PTBP1: variants seen among roughly 807,000 people sequenced by gnomAD.
The protein encoded by PTBP1 is polypyrimidine tract binding protein 1.
PTBP1 carries 8 observed loss-of-function variants against 59.8 expected under a neutral mutation model. The observed-to-expected ratio is 0.13, with a 90% CI of 0.08 to 0.24. PTBP1 has a LOEUF of 0.24. Among genes scored for constraint, PTBP1 ranks in the 10% least tolerant of loss-of-function variants. The probability of loss-of-function intolerance (pLI) is 1.00; values close to 1 mark genes in which losing one functional copy is unlikely to be tolerated. For synonymous variants in PTBP1, 490 were observed against 320.7 expected (o/e 1.53, Z -5.64); for missense variants, 686 against 767.0 (o/e 0.89, Z 1.25).
chr19:804,384 C>T lies in PTBP1; in HGVS notation c.381C>T (p.Tyr127=). The T allele has an allele frequency of 6.2e-7, 1 of 1,612,908 alleles. No individual in the cohort carries two copies. The highest frequency in any genetic ancestry group is 1.3e-5 in the African/African-American group (1 of 75,054). ...VTPVLRGQPI[Y]IQFSNHKELK... is the part of the protein sequence containing the mutation. Reference sequence around the variant, plus strand: ...CTGTGCTGCGCGGCCAGCCCATCTACATCCAGTTCTCCAACCACAAGGAGC... The same window carrying T: ...CTGTGCTGCGCGGCCAGCCCATCTATATCCAGTTCTCCAACCACAAGGAGC... The change falls in exon 5 of 15, where the codon TAC becomes TAT. Residue 127 remains tyrosine (Y), a synonymous_variant. Transcript: ENST00000356948.
In PTBP1 at chr19:805,073, C is replaced by T; in HGVS notation, c.778C>T (p.Leu260Phe). The part of the protein sequence containing the change: ...CCTLRIDFSK[L>F]TSLNVKYNND... Reference sequence around the variant, plus strand: ...CACGCTGCGCATCGACTTTTCCAAGCTCACCAGCCTCAACGTCAAGTACAA... The same window carrying T: ...CACGCTGCGCATCGACTTTTCCAAGTTCACCAGCCTCAACGTCAAGTACAA... Residue 260 changes from leucine (L) to phenylalanine (F), a missense_variant, in exon 8 of 15, where the codon CTC (leucine) becomes TTC (phenylalanine). Coordinates refer to ENST00000356948, the MANE Select transcript of PTBP1 (RefSeq NM_002819.5). The T allele has an allele frequency of 6.2e-7, 1 of 1,613,866 alleles. No individual in the cohort carries two copies. Among genetic ancestry groups the T allele is most frequent in the Non-Finnish European group, 8.5e-7 (1 of 1,179,880 alleles).
At chr19:804,482 G>A in intron 5 of PTBP1, 44 bp downstream of exon 5, 1 of 1,596,808 alleles carries the variant, frequency 6.3e-7, no homozygotes, top group Non-Finnish European at 8.5e-7. Flanking sequence ...GGGACCTCGG[G>A]GGTGGGCCCA....
intron 2 of PTBP1, among the ~76,000 whole-genome samples, chr19:800,786 T>TC (rs1469519553): frequency 6.6e-6 from 1 of 152,212 alleles, no homozygotes; most frequent in Non-Finnish European, 1.5e-5. Context: ...AGTCGTCTCT[T>TC]CCCTGCTTCT....
At position 812,099 on chromosome 19, in the gene PTBP1, C is replaced by T. The variant is rs2034909520; in HGVS notation, c.*1273C>T. On this transcript the variant is annotated 3_prime_UTR_variant, in exon 15 of 15. Transcript: ENST00000356948. ...TATGGTGACACAAATGTATATTTTG[C>T]TAACAGCAATTCCAGGCTCAGTATT... The T allele has an allele frequency of 6.6e-6, 1 of 152,372 alleles. No homozygotes were observed. Among genetic ancestry groups the T allele is most frequent in the African/African-American group, 2.4e-5 (1 of 41,438 alleles). 9.4% of individuals were successfully genotyped at this position (152,372 alleles called of 1,614,324 possible).
chr19:809,362 C>T (rs955209581), intron 13 of PTBP1, among the ~76,000 whole-genome samples: 12 of 151,948 alleles, frequency 7.9e-5, no homozygotes, highest in South Asian at 6.2e-4. Flanking sequence ...CACGCTCTGT[C>T]GCCCAGGCTG....
intron 2 of PTBP1, among the ~76,000 whole-genome samples, chr19:802,275 TC>T (rs1487956584): frequency 2.0e-5 from 3 of 152,168 alleles, no homozygotes. Context: ...CAGTCTTCCT[TC>T]CAGGAAGCTC....
In PTBP1 at chr19:808,493, CG is replaced by C. The variant is rs940702091; in HGVS notation, c.1246+46del. 1.3e-6 allele frequency: 2 copies of C among 1,540,150 alleles called. No individual in the cohort carries two copies. The highest frequency in any genetic ancestry group is 8.8e-7 in the Non-Finnish European group (1 of 1,136,578). ...GGCCCCGGGGTGGAGGGGGCAGGGG[CG>C]GGGGCTGCGTTCCCTCTCGGGCGCC... On this transcript the variant is annotated intron_variant, in intron 12 of 14. Coordinates refer to ENST00000356948, the MANE Select transcript of PTBP1 (RefSeq NM_002819.5). The surrounding 1 kb of genome is among the most constrained non-coding windows in gnomAD (Gnocchi z 4.7).
At chr19:805,392 CGGGGCCGCCCGCCGGCCGGGTT>C (rs1294445489) in intron 8 of PTBP1, 78 bp from the exon 9 acceptor site, 2 of 1,307,408 alleles carry the variant, frequency 1.5e-6, no homozygotes, top group African/African-American at 2.9e-5. Flanking sequence ...AAGGCTCTGC[CGGGGCCGCCCGCCGGCCGGGTT>C]GGGGCCCATC....
In PTBP1 at chr19:811,292, GGCCGCGGCT is replaced by G. The variant is rs1331975383; in HGVS notation, c.*469_*477del. On this transcript the variant is annotated 3_prime_UTR_variant, in exon 15 of 15. Coordinates refer to ENST00000356948, the MANE Select transcript of PTBP1 (RefSeq NM_002819.5). The stretch of plus-strand genomic sequence containing the variant: ...CAGGATCATGCAGCTGGGGCGCGGC[GGCCGCGGCT>G]GCGACACCCCAACCCCAGCCCTCTA... 6.5e-6 allele frequency: 1 copy of G among 152,934 alleles called. No individual in the cohort carries two copies. Among genetic ancestry groups the G allele is most frequent in the South Asian group, 2.0e-4 (1 of 4,884 alleles). The allele number at this position is 152,934 out of a possible 1,614,324, so 9.5% of individuals were successfully genotyped here.
rs549429069 is a variant in PTBP1 at position 808,174 on chromosome 19, C to G, written c.1154-186C>G. Reference sequence around the variant, plus strand: ...AGCTTACCTGTCCTGGATGCTATGACTTTGCTGAACGGAGCTGCTCCTGTT... The same window carrying G: ...AGCTTACCTGTCCTGGATGCTATGAGTTTGCTGAACGGAGCTGCTCCTGTT... On this transcript the variant is annotated intron_variant, in intron 11 of 14. Transcript: ENST00000356948. This position sits in a 1 kb window ranked among gnomAD's most constrained non-coding sequence, Gnocchi z 4.7. 95 of 644,358 alleles carry G rather than the reference C, an allele frequency of 1.5e-4. No individual in the cohort carries two copies. In the South Asian group the frequency reaches 1.6e-3, roughly 11 times the overall value. 39.9% of individuals were successfully genotyped at this position (644,358 alleles called of 1,614,324 possible).
chr19:803,823 G>T (rs926196555), intron 3 of PTBP1, among the ~76,000 whole-genome samples, 187 bp downstream of exon 3: 1 of 152,178 alleles, frequency 6.6e-6, no homozygotes, highest in Admixed American at 6.5e-5. Flanking sequence ...GGTCCAGGCT[G>T]GCACTTGGAC....
At position 808,658 on chromosome 19, in the gene PTBP1, C is replaced by A. The variant is rs1003895815; in HGVS notation, c.1359C>A (p.Thr453=). ...PREGQEDQGL[T]KDYGNSPLHR... ...AGGGCCAGGAGGACCAGGGCCTGAC[C>A]AAGGACTACGGCAACTCACCCCTGC... is the stretch of plus-strand genomic sequence containing the variant. The change falls in exon 13 of 15, where the codon ACC becomes ACA. Residue 453 remains threonine (T), a synonymous_variant. Transcript: ENST00000356948. The surrounding 1 kb of genome is among the most constrained non-coding windows in gnomAD (Gnocchi z 4.7). The A allele has an allele frequency of 5.6e-6, 9 of 1,612,182 alleles. No individual in the cohort carries two copies. The African/African-American group carries it at 8.0e-5, about 14-fold the overall frequency.
chr19:799,263 T>C, intron 1 of PTBP1, 150 bp from the exon 2 acceptor site: 1 of 789,946 alleles, frequency 1.3e-6, no homozygotes. Context: ...CTTCTGAGCT[T>C]TCTCTAGCGG....
At chr19:800,435 C>T (rs985841333) in intron 2 of PTBP1, among the ~76,000 whole-genome samples, 1 of 152,110 alleles carries the variant, frequency 6.6e-6, no homozygotes, top group Non-Finnish European at 1.5e-5. Flanking sequence ...AGGCGATTCT[C>T]GAGGGAGCTG....
At chr19:797,836 T>G (rs961314852) in intron 1 of PTBP1, among the ~76,000 whole-genome samples, 6 of 147,130 alleles carry the variant, frequency 4.1e-5, no homozygotes, top group African/African-American at 1.5e-4. Flanking sequence ...CCCTTCCCGC[T>G]TCCCGTCCGG....
Position 808,786 on chromosome 19 carries a change from A to G in PTBP1, c.1463+24A>G, listed in dbSNP as rs1244175617. ...CCGTGAGTGCTGGGCCGGGGGGCTC[A>G]TGGGGCCGGGGGCGGGCAAGGGCTC... On this transcript the variant is annotated intron_variant, in intron 13 of 14. Coordinates refer to ENST00000356948, the MANE Select transcript of PTBP1 (RefSeq NM_002819.5). The surrounding 1 kb of genome is among the most constrained non-coding windows in gnomAD (Gnocchi z 4.7). 2 of 1,532,776 alleles carry G rather than the reference A, an allele frequency of 1.3e-6. No individual in the cohort carries two copies. Among genetic ancestry groups the G allele is most frequent in the Non-Finnish European group, 1.8e-6 (2 of 1,117,806 alleles). 94.9% of individuals were successfully genotyped at this position (1,532,776 alleles called of 1,614,324 possible).
chr19:801,783 G>C (rs2034347393), intron 2 of PTBP1, among the ~76,000 whole-genome samples: 1 of 152,178 alleles, frequency 6.6e-6, no homozygotes, highest in Non-Finnish European at 1.5e-5. Context: ...GCACTGCTGT[G>C]TTTTCTGATC....
In PTBP1 at chr19:811,400, C is replaced by T. The variant is rs1035318010; in HGVS notation, c.*574C>T. 4.6e-5 allele frequency: 7 copies of T among 152,534 alleles called. No individual in the cohort carries two copies. Among genetic ancestry groups the T allele is most frequent in the African/African-American group, 1.2e-4 (5 of 41,470 alleles). 9.4% of individuals were successfully genotyped at this position (152,534 alleles called of 1,614,324 possible). A position where few individuals can be genotyped will look rare whatever the true frequency, so the allele number is the denominator to read the frequency against. On this transcript the variant is annotated 3_prime_UTR_variant, in exon 15 of 15. Coordinates refer to ENST00000356948, the MANE Select transcript of PTBP1 (RefSeq NM_002819.5). ...CTGCCCCCAGGCGGGCTCCCCGCTG[C>T]TCCAGCTGCGGAGCTGGTCGACATA...
chr19:805,335 C>T, intron 8 of PTBP1, 148 bp downstream of exon 8: 5 of 1,207,936 alleles, frequency 4.1e-6, no homozygotes, highest in Admixed American at 4.1e-5. Flanking sequence ...TCCAGTGTCC[C>T]CCACGTCGGG....
Sources: allele counts gnomAD v4.1 joint callset (sites outside exome capture counted in the v4.1 genomes callset), GRCh38; gene constraint gnomAD v4.1.1; non-coding constraint Gnocchi (gnomAD v3.1); transcripts MANE v1.5; gene names NCBI Gene and HGNC (gene_info 2026-07-23, HGNC 2026-07-21).